CACNB4: variants seen among roughly 807,000 people sequenced by gnomAD.
CACNB4 encodes the protein voltage-dependent L-type calcium channel subunit beta-4.
Under a neutral mutation model 71.2 loss-of-function variants are expected in CACNB4, and 32 were observed. The observed-to-expected ratio is 0.45, with a 90% CI of 0.34 to 0.60. The LOEUF (loss-of-function observed/expected upper bound fraction) is 0.60. CACNB4 is among the 20% of genes least tolerant of loss of function. The pLI is 0.01. For synonymous variants in CACNB4, 231 were observed against 236.9 expected, an observed-to-expected ratio of 0.97 and a Z score of 0.23; for missense variants, 464 against 647.9, an observed-to-expected ratio of 0.72 and a Z score of 3.08.
At chr2:151,959,197 C>A (rs917344077) in intron 2 of CACNB4, among the ~76,000 whole-genome samples, 2 of 152,196 alleles carry the variant, frequency 1.3e-5, no homozygotes, top group Non-Finnish European at 2.9e-5. Context: ...ATAGCCAGAG[C>A]CTGCTGAATG....
intron 2 of CACNB4, among the ~76,000 whole-genome samples, chr2:152,069,837 C>CTTTTT (rs70974819): frequency 1.0e-5 from 1 of 98,702 alleles, no homozygotes; most frequent in Non-Finnish European, 1.9e-5. Flanking sequence ...CTTCATCAAT[C>CTTTTT]TTTTTTTTTT....
intron 5 of CACNB4, among the ~76,000 whole-genome samples, chr2:151,874,342 C>T (rs2099845401): frequency 6.6e-6 from 1 of 151,940 alleles, no homozygotes; most frequent in South Asian, 2.1e-4. Flanking sequence ...ATGGTGCGTG[C>T]CTGTAACCCC....
At chr2:152,088,372 T>C (rs1391417851) in intron 2 of CACNB4, among the ~76,000 whole-genome samples, 1 of 152,224 alleles carries the variant, frequency 6.6e-6, no homozygotes, top group Non-Finnish European at 1.5e-5. Context: ...TACTGCTAGA[T>C]TTTCCATATG....
intron 2 of CACNB4, among the ~76,000 whole-genome samples, chr2:151,986,878 C>T (rs1298202151): frequency 1.3e-5 from 2 of 152,040 alleles, no homozygotes; most frequent in African/African-American, 4.8e-5. Flanking sequence ...TGTTACAAAT[C>T]ACCGGTATAA....
At chr2:151,966,018 G>C (rs968363749) in intron 2 of CACNB4, among the ~76,000 whole-genome samples, 3 of 152,108 alleles carry the variant, frequency 2.0e-5, no homozygotes, top group Non-Finnish European at 4.4e-5. Context: ...AAAACACCGT[G>C]GTAATTGATC....
At chr2:152,073,004 T>C (rs1001885117) in intron 2 of CACNB4, among the ~76,000 whole-genome samples, 3 of 152,170 alleles carry the variant, frequency 2.0e-5, no homozygotes, top group Non-Finnish European at 4.4e-5. Flanking sequence ...TGGCTTGGTC[T>C]AGTATATGGT....
intron 2 of CACNB4, among the ~76,000 whole-genome samples, chr2:151,965,917 G>A (rs1318035165): frequency 6.6e-6 from 1 of 152,138 alleles, no homozygotes; most frequent in Non-Finnish European, 1.5e-5. Flanking sequence ...TCAAAGATAT[G>A]TACCACATAT....
At chr2:151,884,466 A>C (rs34140166) in intron 2 of CACNB4, among the ~76,000 whole-genome samples, 1 of 127,622 alleles carries the variant, frequency 7.8e-6, no homozygotes, top group Non-Finnish European at 1.7e-5. Flanking sequence ...TACTAAAAAT[A>C]CAAAAAAAAA....
intron 2 of CACNB4, among the ~76,000 whole-genome samples, chr2:152,027,958 G>C (rs1401979540): frequency 6.6e-6 from 1 of 150,662 alleles, no homozygotes; most frequent in Admixed American, 6.6e-5. Flanking sequence ...AGAGAGCTTC[G>C]ATTTGTGAGT....
At chr2:151,962,640 A>T (rs570604277) in intron 2 of CACNB4, among the ~76,000 whole-genome samples, 1 of 152,252 alleles carries the variant, frequency 6.6e-6, no homozygotes, top group East Asian at 1.9e-4. Flanking sequence ...AAATCATGAG[A>T]ACACTAACAT....
chr2:151,968,392 T>C (rs2099871692), intron 2 of CACNB4: 1 of 152,204 alleles, frequency 6.6e-6, no homozygotes, highest in African/African-American at 2.4e-5. Context: ...TTTAACTTAA[T>C]GTTATGGATA....
At chr2:151,869,048 C>T in intron 9 of CACNB4, 129 bp downstream of exon 9, 5 of 609,886 alleles carry the variant, frequency 8.2e-6, no homozygotes, top group South Asian at 2.2e-5. Context: ...TATATTCTTC[C>T]CAAGAATACT....
chr2:151,853,682 C>T (rs551725192), intron 11 of CACNB4, 139 bp from the exon 12 acceptor site: 2 of 568,370 alleles, frequency 3.5e-6, no homozygotes, highest in East Asian at 3.4e-5. Flanking sequence ...TATATTTAAA[C>T]CTGTAATGAT....
At chr2:152,022,491 C>A (rs141355406) in intron 2 of CACNB4, among the ~76,000 whole-genome samples, 1 of 152,228 alleles carries the variant, frequency 6.6e-6, no homozygotes, top group Non-Finnish European at 1.5e-5. Context: ...CCTATTGCTA[C>A]AATTTTTCTA....
chr2:151,950,269 G>A (rs1339425982), intron 2 of CACNB4, among the ~76,000 whole-genome samples: 1 of 152,074 alleles, frequency 6.6e-6, no homozygotes, highest in Non-Finnish European at 1.5e-5. Context: ...GCATCCTAAT[G>A]TACATTTTTA....
At chr2:151,930,997 A>T (rs1427378284) in intron 2 of CACNB4, among the ~76,000 whole-genome samples, 2 of 152,170 alleles carry the variant, frequency 1.3e-5, no homozygotes, top group African/African-American at 4.8e-5. Flanking sequence ...ATCCTTCTAC[A>T]CTATTTGAAG....
At chr2:151,881,286 G>C in intron 3 of CACNB4, among the ~76,000 whole-genome samples, 1 of 151,750 alleles carries the variant, frequency 6.6e-6, no homozygotes, top group Non-Finnish European at 1.5e-5. Flanking sequence ...CAGGAAATGT[G>C]TGCAAGGTCT....
chr2:152,044,050 TTTTCAAAATC>T (rs1644770732), intron 2 of CACNB4, among the ~76,000 whole-genome samples: 1 of 152,102 alleles, frequency 6.6e-6, no homozygotes, highest in South Asian at 2.1e-4. Flanking sequence ...TTAAAAATTT[TTTTCAAAATC>T]TTTCAAAAAC....
chr2:151,933,283 A>G (rs774740657), intron 2 of CACNB4, among the ~76,000 whole-genome samples: 2 of 151,954 alleles, frequency 1.3e-5, no homozygotes, highest in Non-Finnish European at 2.9e-5. Context: ...GATATTTTAC[A>G]TAATTTAGCA....
Sources: gnomAD v4.1 joint callset for allele counts (sites outside exome capture counted in the v4.1 genomes callset) on GRCh38, gnomAD v4.1.1 for gene constraint, MANE v1.5 for transcripts, NCBI Gene and HGNC (gene_info 2026-07-23, HGNC 2026-07-21) for gene names.